Variants in L2HGDH observed in about 807,000 individuals in gnomAD.
The protein encoded by L2HGDH is L-2-hydroxyglutarate dehydrogenase.
A neutral mutation model predicts 51.5 loss-of-function variants in L2HGDH; 34 were observed. That is an observed-to-expected ratio of 0.66 (90% CI 0.50 to 0.88). L2HGDH has a LOEUF of 0.88. L2HGDH is among the 40% of genes least tolerant of loss of function. The probability of loss-of-function intolerance (pLI) is 0.00; values close to 1 mark genes in which losing one functional copy is unlikely to be tolerated. For synonymous variants in L2HGDH, 198 were observed against 197.9 expected, an observed-to-expected ratio of 1.00 and a Z score of -0.01; for missense variants, 558 against 571.9, an observed-to-expected ratio of 0.98 and a Z score of 0.25.
At position 50,297,952 on chromosome 14, in the gene L2HGDH, C is replaced by A. The variant is rs188160703; in HGVS notation, c.409-3706G>T. On this transcript the variant is annotated intron_variant, in intron 3 of 9. Transcript: ENST00000267436. The stretch of plus-strand genomic sequence containing the variant: ...CCTAACTCAAAAAAAAAAACCAAAA[C>A]GAACAACAACAACAAAATGACTGGG... Among the ~76,000 whole-genome samples, 449 of 151,336 alleles carry A rather than the reference C, an allele frequency of 3.0e-3. 2 individuals carry two copies. Among genetic ancestry groups the A allele is most frequent in the African/African-American group, 0.01 (413 of 41,268 alleles).
At chr14:50,297,952 C>T (rs188160703) in intron 3 of L2HGDH, among the ~76,000 whole-genome samples, 4 of 151,224 alleles carry the variant, frequency 2.6e-5, no homozygotes, top group Non-Finnish European at 5.9e-5. Flanking sequence ...AAAACCAAAA[C>T]GAACAACAAC....
chr14:50,306,596 TG>T (rs1197178095), intron 1 of L2HGDH, among the ~76,000 whole-genome samples: 5 of 113,052 alleles, frequency 4.4e-5, no homozygotes, highest in South Asian at 5.4e-4. Flanking sequence ...TTTTTTGTTT[TG>T]GGGTTTTTTT....
chr14:50,290,184 G>A (rs1032482416), intron 4 of L2HGDH, among the ~76,000 whole-genome samples: 3 of 152,050 alleles, frequency 2.0e-5, no homozygotes, highest in South Asian at 4.2e-4. Context: ...GGAGAATGGC[G>A]TGAACCCAAG....
intron 3 of L2HGDH, among the ~76,000 whole-genome samples, chr14:50,297,885 G>C (rs2139202234): frequency 6.6e-6 from 1 of 151,972 alleles, no homozygotes; most frequent in Middle Eastern, 3.4e-3. Context: ...TTGAGCACTT[G>C]AGCCCAGGAG....
chr14:50,244,814 C>A lies in L2HGDH; in HGVS notation c.*2244G>T. 4.1e-6 allele frequency: 4 copies of A among 985,376 alleles called. No homozygotes were observed. The highest frequency in any genetic ancestry group is 4.8e-6 in the Non-Finnish European group (4 of 829,918). 61.0% of individuals were successfully genotyped at this position (985,376 alleles called of 1,614,324 possible). A position where few individuals can be genotyped will look rare whatever the true frequency, so the allele number is the denominator to read the frequency against. Reference sequence around the variant, plus strand: ...TCAACCAAAATGCACATCCTTCTCACCCATCCATCATACAGCTTTGGAGAG... The same window carrying A: ...TCAACCAAAATGCACATCCTTCTCAACCATCCATCATACAGCTTTGGAGAG... On this transcript the variant is annotated 3_prime_UTR_variant, in exon 10 of 10. Coordinates refer to ENST00000267436, the MANE Select transcript of L2HGDH (RefSeq NM_024884.3).
chr14:50,295,380 A>T (rs2029967578), intron 3 of L2HGDH, among the ~76,000 whole-genome samples: 1 of 151,976 alleles, frequency 6.6e-6, no homozygotes, highest in African/African-American at 2.4e-5. Context: ...GTCTCTTAAA[A>T]AAATTTGTAT....
chr14:50,244,954 G>A lies in L2HGDH; in HGVS notation c.*2104C>T. 1 of 985,368 alleles carries A rather than the reference G, an allele frequency of 1.0e-6. No individual in the cohort carries two copies. Among genetic ancestry groups the A allele is most frequent in the Non-Finnish European group, 1.2e-6 (1 of 829,896 alleles). 61.0% of individuals were successfully genotyped at this position (985,368 alleles called of 1,614,324 possible). ...TTCAGTACTCAAAGTTCTGCAGTCAGGTCGCCACATTTTCATTTACAATTT... is the reference window on the plus strand; with the variant it reads ...TTCAGTACTCAAAGTTCTGCAGTCAAGTCGCCACATTTTCATTTACAATTT... On this transcript the variant is annotated 3_prime_UTR_variant, in exon 10 of 10. Transcript: ENST00000267436.
chr14:50,247,674 G>A (rs1052153628), intron 9 of L2HGDH, among the ~76,000 whole-genome samples: 4 of 152,184 alleles, frequency 2.6e-5, no homozygotes, highest in Non-Finnish European at 4.4e-5. Flanking sequence ...CAGAGGTTAT[G>A]TGTCAGTTGC....
In L2HGDH at chr14:50,287,868, T is replaced by C. The variant is rs532135212; in HGVS notation, c.541-3835A>G. On this transcript the variant is annotated intron_variant, in intron 4 of 9. Transcript: ENST00000267436. ...ACCCAAAAACACGCCTGGCTATTTT[T>C]TGTATTTTTAGTAGAGACGGGGTTT... 3.3e-5 allele frequency among the ~76,000 whole-genome samples: 5 copies of C among 152,052 alleles called. No homozygotes were observed. In the South Asian group the frequency reaches 1.0e-3, roughly 32 times the overall value.
intron 6 of L2HGDH, among the ~76,000 whole-genome samples, chr14:50,275,607 T>C (rs1335956124): frequency 6.6e-6 from 1 of 152,176 alleles, no homozygotes; most frequent in Non-Finnish European, 1.5e-5. Context: ...ATTTTACCAT[T>C]TTCCCCATCA....
chr14:50,262,424 G>A lies in L2HGDH; in HGVS notation c.1196+2934C>T, dbSNP rs1364192493. On this transcript the variant is annotated intron_variant, in intron 9 of 9. Coordinates refer to ENST00000267436, the MANE Select transcript of L2HGDH (RefSeq NM_024884.3). ...CAGCCTAGCAACAGACCGAGACTCT[G>A]TCTCAAAAAAAAAAAAAAAAAGTCT... Among the ~76,000 whole-genome samples, 13 of 95,998 alleles carry A rather than the reference G, an allele frequency of 1.4e-4. No homozygotes were observed. The East Asian group carries it at 4.1e-3, about 30-fold the overall frequency. 63.0% of individuals were successfully genotyped at this position (95,998 alleles called of 152,430 possible).
chr14:50,292,647 G>A (rs374546177), intron 4 of L2HGDH, among the ~76,000 whole-genome samples: 5 of 152,028 alleles, frequency 3.3e-5, no homozygotes, highest in East Asian at 1.9e-4. Flanking sequence ...CAGAGGTTGC[G>A]GTGAGCTGAG....
intron 9 of L2HGDH, among the ~76,000 whole-genome samples, chr14:50,255,796 G>A (rs562879335): frequency 5.9e-4 from 89 of 151,898 alleles, no homozygotes; most frequent in African/African-American, 2.0e-3. Flanking sequence ...TGGGAGGCTC[G>A]AGGGGTGGAT....
At chr14:50,250,428 GAGA>G (rs1888278377) in intron 9 of L2HGDH, among the ~76,000 whole-genome samples, 1 of 152,230 alleles carries the variant, frequency 6.6e-6, no homozygotes, top group Non-Finnish European at 1.5e-5. Flanking sequence ...AGGGAAGAGT[GAGA>G]AGAACTTTGT....
intron 9 of L2HGDH, 122 bp from the exon 10 acceptor site, chr14:50,247,375 C>A: frequency 6.8e-7 from 1 of 1,467,596 alleles, no homozygotes; most frequent in Non-Finnish European, 9.2e-7. Context: ...TATGGAAACC[C>A]AATGAGTTTA....
chr14:50,267,772 T>C lies in L2HGDH; in HGVS notation c.1045A>G (p.Met349Val). 6.2e-6 allele frequency: 10 copies of C among 1,611,762 alleles called. No individual in the cohort carries two copies. The highest frequency in any genetic ancestry group is 1.3e-5 in the African/African-American group (1 of 75,016). Residue 349 changes from methionine (M) to valine (V), a missense_variant, in exon 8 of 10, where the codon ATG (methionine) becomes GTG (valine). Transcript: ENST00000267436. ...RPFDFSATDVMDIIINSGLIK... is the reference protein window; with the variant it reads ...RPFDFSATDVVDIIINSGLIK... ...TGTTACCTATTGATAATTATATCCA[T>C]AACATCTGTGGCACTGAAGTCAAAG...
Position 50,303,014 on chromosome 14 carries a change from T to A in L2HGDH, c.144A>T (p.Ser48=), listed in dbSNP as rs1408442999. The change falls in exon 2 of 10, where the codon TCA becomes TCT. Residue 48 remains serine, a synonymous_variant. Transcript: ENST00000267436. ...CGCCACCAACGATGACTATATCAAA[T>A]GAGCTTCAAAAGAAAGTCATCTTTA... ...CGGSRSASTS[S]FDIVIVGGGI... The A allele has an allele frequency of 1.3e-6, 2 of 1,596,228 alleles. No individual in the cohort carries two copies. The highest frequency in any genetic ancestry group is 1.3e-5 in the African/African-American group (1 of 74,656).
intron 1 of L2HGDH, among the ~76,000 whole-genome samples, chr14:50,307,647 G>A (rs940878324): frequency 1.3e-5 from 2 of 152,118 alleles, no homozygotes; most frequent in Non-Finnish European, 2.9e-5. Context: ...ACATCACCCA[G>A]CTTCACTAAT....
intron 5 of L2HGDH, among the ~76,000 whole-genome samples, chr14:50,279,704 A>T (rs535323632): frequency 6.6e-6 from 1 of 151,816 alleles, no homozygotes; most frequent in Admixed American, 6.6e-5. Flanking sequence ...AAAAAGAAGG[A>T]AGAAAGTAAA....
Sources: gnomAD v4.1 joint callset for allele counts (sites outside exome capture counted in the v4.1 genomes callset) on GRCh38, gnomAD v4.1.1 for gene constraint, MANE v1.5 for transcripts, NCBI Gene and HGNC (gene_info 2026-07-23, HGNC 2026-07-21) for gene names.